Variants in ACLY observed in about 807,000 individuals in gnomAD.
The protein encoded by ACLY is ATP citrate lyase.
In ACLY, 41 loss-of-function variants were observed where a neutral mutation model predicts 133.0. The ratio of observed to expected loss-of-function variants is 0.31; its 90% CI spans 0.24 to 0.40. The LOEUF (loss-of-function observed/expected upper bound fraction) is 0.40, where lower values mean the gene tolerates loss of function less well. ACLY is among the 10% of genes least tolerant of loss of function. The pLI is 1.00. For missense variants in ACLY, 1,046 were observed against 1,453.8 expected (o/e 0.72, Z 4.56); for synonymous variants, 495 against 549.3 (o/e 0.90, Z 1.38).
rs551294686 is a variant in ACLY, at chr17:41,882,978, C to T, written c.2265+144G>A. On this transcript the variant is annotated intron_variant, in intron 20 of 28. Coordinates refer to ENST00000352035, the MANE Select transcript of ACLY (RefSeq NM_001096.3). ...AAGCTCCCAGAGAGCAGGGCCCTGGCTGGACTTTGTAGTAACCAAGCAAGT... is the reference window on the plus strand; with the variant it reads ...AAGCTCCCAGAGAGCAGGGCCCTGGTTGGACTTTGTAGTAACCAAGCAAGT... The T allele has an allele frequency of 1.4e-5, 9 of 656,104 alleles. No individual in the cohort carries two copies. The African/African-American group carries it at 1.5e-4, about 11-fold the overall frequency. 40.6% of individuals were successfully genotyped at this position (656,104 alleles called of 1,614,324 possible).
At chr17:41,875,624 G>A (rs1298602412) in intron 22 of ACLY, among the ~76,000 whole-genome samples, 1 of 152,132 alleles carries the variant, frequency 6.6e-6, no homozygotes, top group Non-Finnish European at 1.5e-5. Flanking sequence ...GTATTTTTTT[G>A]GTGGAGACGG....
At chr17:41,886,895 G>A (rs2049060859) in intron 17 of ACLY, among the ~76,000 whole-genome samples, 2 of 152,052 alleles carry the variant, frequency 1.3e-5, no homozygotes, top group African/African-American at 4.8e-5. Context: ...AGGCTGTAGG[G>A]GGCAGACTAC....
At chr17:41,907,331 T>A (rs1555632848) in intron 7 of ACLY, 111 bp downstream of exon 7, 3 of 661,846 alleles carry the variant, frequency 4.5e-6, no homozygotes, top group East Asian at 4.0e-5. Context: ...TCAGTCTTCC[T>A]TTCCCTGCCA....
In ACLY at chr17:41,913,849, GCT is replaced by G; in HGVS notation, c.23_24del (p.Glu8AlafsTer29). The G allele has an allele frequency of 1.2e-6, 2 of 1,614,248 alleles. No homozygotes were observed. The highest frequency in any genetic ancestry group is 1.7e-6 in the Non-Finnish European group (2 of 1,180,040). MSAKAIS[E>X]QTGKELLYKF... ...TTGTAAAGGAGTTCTTTGCCCGTCTGCTCTGAAATTGCCTTGGCCGACATGGC... is the reference window on the plus strand; with the variant it reads ...TTGTAAAGGAGTTCTTTGCCCGTCTGCTGAAATTGCCTTGGCCGACATGGC... On this transcript the variant is annotated frameshift_variant, in exon 2 of 29. Coordinates refer to ENST00000352035, the MANE Select transcript of ACLY (RefSeq NM_001096.3). LOFTEE classifies it high-confidence loss of function.
At position 41,912,555 on chromosome 17, in the gene ACLY, C is replaced by T. The variant is rs1233962220; in HGVS notation, c.160-13G>A. The T allele has an allele frequency of 3.0e-5, 48 of 1,613,784 alleles. No homozygotes were observed. The highest frequency in any genetic ancestry group is 4.0e-5 in the Non-Finnish European group (47 of 1,179,896). ...TGACTACCAAGTTCTGGAACAAAAG[C>T]GGTTTGTATTTAGAGTGAGGAAGAA... On this transcript the variant is annotated splice_polypyrimidine_tract_variant and intron_variant, in intron 2 of 28. Coordinates refer to ENST00000352035, the MANE Select transcript of ACLY (RefSeq NM_001096.3).
At chr17:41,878,047 C>T (rs2048808292) in intron 22 of ACLY, 56 bp downstream of exon 22, 14 of 1,305,872 alleles carry the variant, frequency 1.1e-5, no homozygotes, top group Non-Finnish European at 1.2e-5. Context: ...AAACCCACCA[C>T]CATAGACCCA....
At chr17:41,895,075 T>C (rs1180942282) in intron 14 of ACLY, among the ~76,000 whole-genome samples, 1 of 152,194 alleles carries the variant, frequency 6.6e-6, no homozygotes, top group African/African-American at 2.4e-5. Context: ...GGGAGCCACC[T>C]AATCCAGTTC....
At chr17:41,900,660 G>A (rs1237296912) in intron 11 of ACLY, among the ~76,000 whole-genome samples, 2 of 152,030 alleles carry the variant, frequency 1.3e-5, no homozygotes, top group Non-Finnish European at 2.9e-5. Context: ...ACAAGGTGGA[G>A]GCCGCAATGA....
intron 20 of ACLY, among the ~76,000 whole-genome samples, chr17:41,882,164 C>T (rs896342188): frequency 3.2e-4 from 48 of 151,672 alleles, no homozygotes; most frequent in African/African-American, 1.1e-3. Context: ...GTCAGGAGCT[C>T]GAGACCAGCC....
At chr17:41,898,922 T>C (rs2049447719) in intron 11 of ACLY, 137 bp from the exon 12 acceptor site, 4 of 845,658 alleles carry the variant, frequency 4.7e-6, no homozygotes, top group African/African-American at 1.7e-5. Flanking sequence ...CCAGGACAAA[T>C]CAGCTGTCAT....
At chr17:41,893,258 T>TC in intron 14 of ACLY, 84 bp from the exon 15 acceptor site, 1 of 1,455,238 alleles carries the variant, frequency 6.9e-7, no homozygotes, top group Non-Finnish European at 9.3e-7. Context: ...GACAGACCCC[T>TC]CCACGCCCCA....
intron 23 of ACLY, among the ~76,000 whole-genome samples, chr17:41,873,046 T>C (rs1199972861): frequency 6.6e-6 from 1 of 152,172 alleles, no homozygotes; most frequent in Non-Finnish European, 1.5e-5. Flanking sequence ...GTGAATCACA[T>C]ACTCACTGGC....
At chr17:41,901,011 G>A (rs1466208692) in intron 11 of ACLY, among the ~76,000 whole-genome samples, 1 of 151,734 alleles carries the variant, frequency 6.6e-6, no homozygotes, top group Non-Finnish European at 1.5e-5. Flanking sequence ...CTGGAGTGCA[G>A]TGGCATGATC....
chr17:41,890,455 C>A (rs62074955), intron 16 of ACLY, among the ~76,000 whole-genome samples: 3 of 148,852 alleles, frequency 2.0e-5, no homozygotes, highest in African/African-American at 5.0e-5. Flanking sequence ...GAGGCCGAGG[C>A]GGGCGGATCA....
chr17:41,911,829 A>C (rs1163033558), intron 3 of ACLY, among the ~76,000 whole-genome samples: 1 of 151,818 alleles, frequency 6.6e-6, no homozygotes, highest in African/African-American at 2.4e-5. Context: ...AAAAAAATAA[A>C]GTAGGCCGGG....
intron 11 of ACLY, among the ~76,000 whole-genome samples, chr17:41,900,910 C>G (rs1038561880): frequency 1.3e-5 from 2 of 151,898 alleles, no homozygotes; most frequent in African/African-American, 4.8e-5. Flanking sequence ...CACCATGGCG[C>G]TGCTCCCTCA....
intron 3 of ACLY, among the ~76,000 whole-genome samples, chr17:41,912,100 C>T (rs560113084): frequency 7.1e-6 from 1 of 141,752 alleles, no homozygotes; most frequent in Admixed American, 7.2e-5. Context: ...GGCTACAGAG[C>T]AAGACCCTGT....
chr17:41,898,861 G>A, intron 11 of ACLY, 76 bp from the exon 12 acceptor site: 1 of 1,413,332 alleles, frequency 7.1e-7, no homozygotes. Context: ...CCTGCAAAGG[G>A]CCTTTTACAG....
At chr17:41,919,025 C>G (rs782033958), upstream of ACLY, 13 of 1,284,450 alleles carry the variant, frequency 1.0e-5, no homozygotes, top group South Asian at 1.6e-4. Flanking sequence ...CGGCTCGCGG[C>G]GAGAACGGCC....
Sources: allele counts gnomAD v4.1 joint callset (sites outside exome capture counted in the v4.1 genomes callset), GRCh38; gene constraint gnomAD v4.1.1; transcripts MANE v1.5; gene names NCBI Gene and HGNC (gene_info 2026-07-23, HGNC 2026-07-21).